Variants in ZZZ3 observed in about 807,000 individuals in gnomAD.
The protein encoded by ZZZ3 is zinc finger ZZ-type containing 3.
In ZZZ3, 22 loss-of-function variants were observed where a neutral mutation model predicts 95.2. That is an observed-to-expected ratio of 0.23 (90% CI 0.17 to 0.33). The LOEUF (loss-of-function observed/expected upper bound fraction) is 0.33, where lower values mean the gene tolerates loss of function less well. ZZZ3 is among the 10% of genes least tolerant of loss of function. ZZZ3 has a pLI of 1.00. For missense variants in ZZZ3, 885 were observed against 1,066.5 expected (o/e 0.83, Z 2.37); for synonymous variants, 335 against 358.9 (o/e 0.93, Z 0.75).
chr1:77,634,732 T>C (rs767331307), intron 4 of ZZZ3, among the ~76,000 whole-genome samples: 27 of 152,144 alleles, frequency 1.8e-4, no homozygotes, highest in Middle Eastern at 3.2e-3. Flanking sequence ...GTAAGGGATA[T>C]AGAAAAATGC....
At chr1:77,630,226 T>C (rs1444710994) in intron 5 of ZZZ3, among the ~76,000 whole-genome samples, 1 of 152,050 alleles carries the variant, frequency 6.6e-6, no homozygotes, top group East Asian at 1.9e-4. Context: ...CTATACTCAA[T>C]ACTCTGGGAG....
intron 1 of ZZZ3, among the ~76,000 whole-genome samples, chr1:77,662,997 C>T (rs763878034): frequency 1.3e-5 from 2 of 151,930 alleles, no homozygotes; most frequent in South Asian, 2.1e-4. Flanking sequence ...CCCACCTATT[C>T]GGGAGGCTGA....
chr1:77,665,629 G>T (rs1671178624), intron 1 of ZZZ3, among the ~76,000 whole-genome samples: 1 of 152,122 alleles, frequency 6.6e-6, no homozygotes. Context: ...TGGTTAATAA[G>T]AATACTGGAA....
intron 1 of ZZZ3, among the ~76,000 whole-genome samples, chr1:77,669,046 C>G (rs1042277193): frequency 5.3e-5 from 8 of 151,748 alleles, no homozygotes; most frequent in Non-Finnish European, 1.2e-4. Context: ...CAACGATATC[C>G]TAAGTCAGCA....
intron 1 of ZZZ3, among the ~76,000 whole-genome samples, chr1:77,659,684 T>C (rs1570635208): frequency 9.0e-6 from 1 of 110,824 alleles, no homozygotes; most frequent in African/African-American, 3.5e-5. Flanking sequence ...AGACTCCATC[T>C]CAAAAAAAAA....
chr1:77,571,087 C>A (rs1384829077), intron 12 of ZZZ3, among the ~76,000 whole-genome samples: 1 of 151,186 alleles, frequency 6.6e-6, no homozygotes, highest in South Asian at 2.1e-4. Flanking sequence ...ATAAGTGACC[C>A]GAATAATTAG....
chr1:77,578,079 A>G (rs1338971218), intron 11 of ZZZ3, among the ~76,000 whole-genome samples: 1 of 152,134 alleles, frequency 6.6e-6, no homozygotes, highest in Admixed American at 6.6e-5. Flanking sequence ...AATTCACTCA[A>G]CATACCTGAG....
rs534250385 is a variant in ZZZ3, at chr1:77,621,545, G to T, written c.1505+10305C>A. The stretch of plus-strand genomic sequence containing the variant: ...AAAAAAAAAAAAAAGTCCAGGCATG[G>T]TGCCTCACACCTGCAATCCCAGCAC... On this transcript the variant is annotated intron_variant, in intron 5 of 14. Transcript: ENST00000370801. 1.1e-4 allele frequency among the ~76,000 whole-genome samples: 16 copies of T among 150,408 alleles called. No homozygotes were observed. In the East Asian group the frequency reaches 3.0e-3, roughly 28 times the overall value.
intron 13 of ZZZ3, among the ~76,000 whole-genome samples, chr1:77,567,701 G>GA (rs1436069882): frequency 2.6e-5 from 4 of 152,114 alleles, no homozygotes; most frequent in African/African-American, 4.8e-5. Flanking sequence ...GTTTACTGCT[G>GA]AATCTCTAGC....
chr1:77,663,435 CTT>C (rs1226071013), intron 1 of ZZZ3, among the ~76,000 whole-genome samples: 13 of 152,176 alleles, frequency 8.5e-5, no homozygotes, highest in Non-Finnish European at 4.4e-5. Context: ...CCCTTCCCTC[CTT>C]CACTCATTCC....
At chr1:77,665,878 C>A (rs904295558) in intron 1 of ZZZ3, among the ~76,000 whole-genome samples, 3 of 151,880 alleles carry the variant, frequency 2.0e-5, no homozygotes, top group African/African-American at 7.3e-5. Context: ...CCAGTCTCCA[C>A]TAAGATAAAA....
chr1:77,583,127 A>T (rs1361102558), intron 6 of ZZZ3, among the ~76,000 whole-genome samples: 5 of 152,072 alleles, frequency 3.3e-5, no homozygotes, highest in Admixed American at 6.6e-5. Flanking sequence ...GAAAAAAGAA[A>T]GAAATGAAAG....
intron 5 of ZZZ3, among the ~76,000 whole-genome samples, chr1:77,611,076 ACT>A (rs1353666147): frequency 6.6e-6 from 1 of 151,658 alleles, no homozygotes; most frequent in Non-Finnish European, 1.5e-5. Flanking sequence ...AACCCTAAAG[ACT>A]CTACCCAAAA....
intron 5 of ZZZ3, among the ~76,000 whole-genome samples, chr1:77,630,216 C>T (rs1328632862): frequency 1.3e-5 from 2 of 152,038 alleles, no homozygotes; most frequent in Non-Finnish European, 2.9e-5. Context: ...TGGCTCATGC[C>T]TATACTCAAT....
chr1:77,646,936 A>G (rs918317222), intron 1 of ZZZ3, among the ~76,000 whole-genome samples: 3 of 152,144 alleles, frequency 2.0e-5, no homozygotes, highest in African/African-American at 4.8e-5. Context: ...CAGAGGAGAG[A>G]GCAGAAAGGA....
intron 1 of ZZZ3, among the ~76,000 whole-genome samples, chr1:77,670,072 A>AC (rs5775412): frequency 0.073 from 8,281 of 113,654 alleles, 304 homozygotes; most frequent in Middle Eastern, 0.11. Context: ...AAATATTGTG[A>AC]CCCCCCCCCC....
chr1:77,647,547 T>C (rs1018025776), intron 1 of ZZZ3, among the ~76,000 whole-genome samples: 1 of 151,042 alleles, frequency 6.6e-6, no homozygotes, highest in Non-Finnish European at 1.5e-5. Flanking sequence ...AAATACCCAA[T>C]AGATATAAAT....
chr1:77,642,123 T>C (rs1419189222), intron 1 of ZZZ3, among the ~76,000 whole-genome samples: 1 of 152,202 alleles, frequency 6.6e-6, no homozygotes, highest in African/African-American at 2.4e-5. Flanking sequence ...TCTTAAGTAA[T>C]TTTGGAAGTA....
chr1:77,602,602 A>ATTTTTTT (rs33915566), intron 5 of ZZZ3, among the ~76,000 whole-genome samples: 5 of 117,962 alleles, frequency 4.2e-5, no homozygotes, highest in Admixed American at 9.8e-5. Flanking sequence ...ATTTTTACTG[A>ATTTTTTT]TTTTTTTTTT....
Sources: allele counts gnomAD v4.1 joint callset (sites outside exome capture counted in the v4.1 genomes callset), GRCh38; gene constraint gnomAD v4.1.1; transcripts MANE v1.5; gene names NCBI Gene and HGNC (gene_info 2026-07-23, HGNC 2026-07-21).